STK32B: variants seen among roughly 807,000 people sequenced by gnomAD.
STK32B encodes the protein serine/threonine kinase 32B.
Under a neutral mutation model 52.6 loss-of-function variants are expected in STK32B, and 43 were observed. The observed-to-expected ratio is 0.82, with a 90% CI of 0.64 to 1.05. STK32B has a LOEUF of 1.05. STK32B is among the 50% of genes least tolerant of loss of function. STK32B has a pLI of 0.00. For missense variants in STK32B, 621 were observed against 534.6 expected, an observed-to-expected ratio of 1.16 and a Z score of -1.59; for synonymous variants, 238 against 204.3, an observed-to-expected ratio of 1.17 and a Z score of -1.41.
chr4:5,334,339 C>T (rs1247750810), intron 4 of STK32B, among the ~76,000 whole-genome samples: 1 of 152,024 alleles, frequency 6.6e-6, no homozygotes, highest in African/African-American at 2.4e-5. Flanking sequence ...TATCCTGAGA[C>T]TTTGCTGAAG....
intron 6 of STK32B, among the ~76,000 whole-genome samples, chr4:5,435,011 G>A (rs568656689): frequency 7.1e-4 from 108 of 152,242 alleles, no homozygotes; most frequent in African/African-American, 2.4e-3. Flanking sequence ...CCTAATCTCT[G>A]TGGGCCTCAG....
At chr4:5,144,390 T>C (rs1285121389) in intron 2 of STK32B, among the ~76,000 whole-genome samples, 2 of 152,162 alleles carry the variant, frequency 1.3e-5, no homozygotes, top group African/African-American at 4.8e-5. Context: ...TGCTTAAGGC[T>C]CTCTTTCCCC....
At chr4:5,465,773 G>A (rs1387328151) in intron 9 of STK32B, among the ~76,000 whole-genome samples, 5 of 152,188 alleles carry the variant, frequency 3.3e-5, no homozygotes, top group African/African-American at 4.8e-5. Context: ...CTGACCTCAA[G>A]GCTGTGCCTC....
intron 1 of STK32B, among the ~76,000 whole-genome samples, chr4:5,088,086 C>T (rs1247968089): frequency 1.3e-5 from 2 of 151,932 alleles, no homozygotes; most frequent in Admixed American, 6.6e-5. Flanking sequence ...TTAAATTATA[C>T]AATGTATGCC....
chr4:5,077,704 C>A (rs889784255), intron 1 of STK32B, among the ~76,000 whole-genome samples: 2 of 152,054 alleles, frequency 1.3e-5, no homozygotes, highest in Non-Finnish European at 2.9e-5. Flanking sequence ...ACCGTGCAAT[C>A]CATAGCAAAG....
chr4:5,252,038 A>G (rs1435605772), intron 3 of STK32B, among the ~76,000 whole-genome samples: 1 of 152,164 alleles, frequency 6.6e-6, no homozygotes, highest in African/African-American at 2.4e-5. Flanking sequence ...GAACTTTTCC[A>G]ACCTGAAGAT....
chr4:5,215,204 T>A lies in STK32B; in HGVS notation c.260+46754T>A, dbSNP rs560943648. Reference sequence around the variant, plus strand: ...TGGGCCCAGAGCTCTGAGAACATAGTGTTTTAACTGGGTTCTAAGTCAGAA... The same window carrying A: ...TGGGCCCAGAGCTCTGAGAACATAGAGTTTTAACTGGGTTCTAAGTCAGAA... On this transcript the variant is annotated intron_variant, in intron 3 of 11. Coordinates refer to ENST00000282908, the MANE Select transcript of STK32B (RefSeq NM_018401.3). Among the ~76,000 whole-genome samples the A allele has an allele frequency of 5.9e-5, 9 of 152,332 alleles. No individual in the cohort carries two copies. The East Asian group carries it at 1.7e-3, about 29-fold the overall frequency.
intron 4 of STK32B, among the ~76,000 whole-genome samples, chr4:5,339,632 C>G (rs1732939399): frequency 6.6e-6 from 1 of 152,130 alleles, no homozygotes; most frequent in Non-Finnish European, 1.5e-5. Context: ...TCAAAGTAGC[C>G]ACACTCGGAA....
rs1964217 is a variant in STK32B, at chr4:5,469,005, G to A, written c.1106+935G>A. Among the ~76,000 whole-genome samples the A allele has an allele frequency of 0.37, 55,018 of 150,034 alleles. 10,785 individuals carry two copies. The highest frequency in any genetic ancestry group is 0.43 in the Non-Finnish European group (28,956 of 67,632). On this transcript the variant is annotated intron_variant, in intron 11 of 11. Transcript: ENST00000282908. The surrounding 1 kb of genome is among the most constrained non-coding windows in gnomAD (Gnocchi z 4.7). ...GCAGAGCTTGCAGTGAGCCGAGATC[G>A]CGCACACTGCACTCCAGCCTGGGCG...
intron 4 of STK32B, 148 bp downstream of exon 4, chr4:5,331,541 C>T (rs890576030): frequency 3.6e-6 from 3 of 830,896 alleles, no homozygotes; most frequent in Non-Finnish European, 5.4e-6. Flanking sequence ...CACTTTTCTT[C>T]CTATTTTTTT....
rs1268586768 is a variant in STK32B at position 5,395,079 on chromosome 4, G to A, written c.435-3128G>A. On this transcript the variant is annotated intron_variant, in intron 4 of 11. Coordinates refer to ENST00000282908, the MANE Select transcript of STK32B (RefSeq NM_018401.3). The surrounding 1 kb of genome is among the most constrained non-coding windows in gnomAD (Gnocchi z 4.4). The stretch of plus-strand genomic sequence containing the variant: ...TCAGCTCTTATGGCTGCAGGACTGG[G>A]GTCCCGTTTTCTTGCTACATATAGG... Among the ~76,000 whole-genome samples the A allele has an allele frequency of 1.3e-5, 2 of 152,066 alleles. No individual in the cohort carries two copies. Among genetic ancestry groups the A allele is most frequent in the African/African-American group, 4.8e-5 (2 of 41,414 alleles).
At chr4:5,359,237 G>A (rs954037327) in intron 4 of STK32B, among the ~76,000 whole-genome samples, 18 of 152,142 alleles carry the variant, frequency 1.2e-4, no homozygotes, top group African/African-American at 4.1e-4. Context: ...ACTACCCATG[G>A]AACTTGCTGT....
intron 9 of STK32B, among the ~76,000 whole-genome samples, chr4:5,463,027 C>G (rs1717156852): frequency 6.6e-6 from 1 of 152,230 alleles, no homozygotes; most frequent in Non-Finnish European, 1.5e-5. Context: ...CGGCTGCACC[C>G]TAGTTCTTCA....
At chr4:5,492,060 G>C (rs866437823) in intron 11 of STK32B, among the ~76,000 whole-genome samples, 4 of 152,004 alleles carry the variant, frequency 2.6e-5, no homozygotes, top group Non-Finnish European at 4.4e-5. Flanking sequence ...TTGGCAATGC[G>C]GGCTCTTTTT....
Position 5,184,695 on chromosome 4 carries a change from A to AAAAAAAAAAG in STK32B, c.260+16247_260+16248insAAAAAAAGAA, listed in dbSNP as rs58321341. On this transcript the variant is annotated intron_variant, in intron 3 of 11. Coordinates refer to ENST00000282908, the MANE Select transcript of STK32B (RefSeq NM_018401.3). ...GAGCGAGACTGTCTCAAAAAAAAAA[A>AAAAAAAAAAG]AAGAAGAAGAAGAAGAAAAAGAAAA... 2.2e-3 allele frequency among the ~76,000 whole-genome samples: 305 copies of AAAAAAAAAAG among 137,518 alleles called. 3 individuals carry two copies. Among genetic ancestry groups the AAAAAAAAAAG allele is most frequent in the Admixed American group, 6.3e-3 (78 of 12,464 alleles). The allele number at this position is 137,518 out of a possible 152,430, so 90.2% of individuals were successfully genotyped here. A position where few individuals can be genotyped will look rare whatever the true frequency, so the allele number is the denominator to read the frequency against.
At chr4:5,080,713 A>G (rs752594056) in intron 1 of STK32B, among the ~76,000 whole-genome samples, 42 of 152,212 alleles carry the variant, frequency 2.8e-4, no homozygotes, top group Non-Finnish European at 3.2e-4. Context: ...TTCAATATAC[A>G]TACACATTGT....
chr4:5,469,172 G>A lies in STK32B; in HGVS notation c.1106+1102G>A, dbSNP rs1048680573. On this transcript the variant is annotated intron_variant, in intron 11 of 11. Transcript: ENST00000282908. The surrounding 1 kb of genome is among the most constrained non-coding windows in gnomAD (Gnocchi z 4.7). ...CCACACTAAGCCAAGCTTTGGGTTG[G>A]TGGAGGCAAATCAGAGATGCTTCCT... 4.6e-5 allele frequency among the ~76,000 whole-genome samples: 7 copies of A among 152,246 alleles called. No homozygotes were observed. Among genetic ancestry groups the A allele is most frequent in the Non-Finnish European group, 4.4e-5 (3 of 68,050 alleles).
At chr4:5,428,201 A>G (rs1383421881) in intron 6 of STK32B, among the ~76,000 whole-genome samples, 1 of 152,000 alleles carries the variant, frequency 6.6e-6, no homozygotes, top group Non-Finnish European at 1.5e-5. Context: ...AGGTCAGGAG[A>G]TCAAGATCAT....
At chr4:5,169,650 C>T (rs1161993892) in intron 3 of STK32B, among the ~76,000 whole-genome samples, 1 of 152,066 alleles carries the variant, frequency 6.6e-6, no homozygotes, top group African/African-American at 2.4e-5. Context: ...TCTCAGTATC[C>T]ACCGAGAGTT....
Sources: gnomAD v4.1 joint callset for allele counts (sites outside exome capture counted in the v4.1 genomes callset) on GRCh38, gnomAD v4.1.1 for gene constraint, Gnocchi (gnomAD v3.1) non-coding constraint, MANE v1.5 for transcripts, NCBI Gene and HGNC (gene_info 2026-07-23, HGNC 2026-07-21) for gene names.